The following ELL2 variants were observed in gnomAD, a reference collection of about 807,000 sequenced individuals.
ELL2 encodes RNA polymerase II elongation factor ELL2.
ELL2 carries 21 observed loss-of-function variants against 72.8 expected under a neutral mutation model. That is an observed-to-expected ratio of 0.29 (90% CI 0.20 to 0.42). The LOEUF is 0.42. Ranked by LOEUF, ELL2 falls within the 10% of genes least tolerant of loss-of-function variation. The pLI, the probability that ELL2 is intolerant of heterozygous loss-of-function variation, is 1.00. For synonymous variants in ELL2, 266 were observed against 283.2 expected, an observed-to-expected ratio of 0.94 and a Z score of 0.61; for missense variants, 568 against 772.8, an observed-to-expected ratio of 0.73 and a Z score of 3.14.
intron 8 of ELL2, 35 bp from the exon 9 acceptor site, chr5:95,895,726 C>T (rs756511314): frequency 3.9e-6 from 6 of 1,543,232 alleles, no homozygotes; most frequent in Non-Finnish European, 4.5e-6. Context: ...GAGCATTCAT[C>T]AACTACGAAG....
At position 95,891,279 on chromosome 5, in the gene ELL2, T is replaced by A; in HGVS notation, c.1590-5A>T. ...GAGACGATAGCGATATATTTTCTAA[T>A]AAGAAAAAAGATAAATGGAGAGTAG... On this transcript the variant is annotated splice_polypyrimidine_tract_variant and splice_region_variant and intron_variant, in intron 9 of 11. Coordinates refer to ENST00000237853, the MANE Select transcript of ELL2 (RefSeq NM_012081.6). The A allele has an allele frequency of 6.3e-7, 1 of 1,594,482 alleles. No individual in the cohort carries two copies.
At chr5:95,905,138 A>G (rs1343129843) in intron 5 of ELL2, among the ~76,000 whole-genome samples, 1 of 152,098 alleles carries the variant, frequency 6.6e-6, no homozygotes, top group East Asian at 1.9e-4. Context: ...CTAATATGTT[A>G]CCAGGATGAG....
rs565096365 is a variant in ELL2 at position 95,948,785 on chromosome 5, T to C, written c.148-5736A>G. 2.6e-5 allele frequency among the ~76,000 whole-genome samples: 4 copies of C among 152,330 alleles called. No individual in the cohort carries two copies. In the South Asian group the frequency reaches 8.3e-4, roughly 32 times the overall value. On this transcript the variant is annotated intron_variant, in intron 1 of 11. Coordinates refer to ENST00000237853, the MANE Select transcript of ELL2 (RefSeq NM_012081.6). ...TACTCTAGGGCTTAAGGGAATAGTA[T>C]TTGAGCTATAAGTAAGAGAGTTATC...
chr5:95,954,465 G>A (rs2112360706), intron 1 of ELL2, among the ~76,000 whole-genome samples: 1 of 146,806 alleles, frequency 6.8e-6, no homozygotes, highest in South Asian at 2.2e-4. Flanking sequence ...GGAGTGCAGT[G>A]GTGCGATGTT....
At chr5:95,898,029 T>C (rs573863608) in intron 8 of ELL2, among the ~76,000 whole-genome samples, 19 of 151,204 alleles carry the variant, frequency 1.3e-4, no homozygotes, top group African/African-American at 4.4e-4. Flanking sequence ...GCCATTCTTA[T>C]TAATATAGAA....
rs545487917 is a variant in ELL2 at position 95,888,585 on chromosome 5, GA to G, written c.*285del. ...CTAATAACAAACACAAGTTTTTGAG[GA>G]AAAAAAACTGATTTGAAATATAGAC... On this transcript the variant is annotated 3_prime_UTR_variant, in exon 12 of 12. Transcript: ENST00000237853. The G allele has an allele frequency of 9.9e-4, 201 of 202,980 alleles. 1 individual carries two copies. The highest frequency in any genetic ancestry group is 4.7e-3 in the African/African-American group (188 of 39,768). The allele number at this position is 202,980 out of a possible 1,614,324, so 12.6% of individuals were successfully genotyped here.
chr5:95,890,194 T>G (rs1748607120), intron 10 of ELL2, among the ~76,000 whole-genome samples: 1 of 152,202 alleles, frequency 6.6e-6, no homozygotes, highest in South Asian at 2.1e-4. Context: ...CACCAACCTC[T>G]TGCACCTCTG....
At chr5:95,957,424 TTTTA>T (rs1235337355) in intron 1 of ELL2, among the ~76,000 whole-genome samples, 2 of 152,268 alleles carry the variant, frequency 1.3e-5, no homozygotes, top group African/African-American at 2.4e-5. Flanking sequence ...TAATTTGTGA[TTTTA>T]TTTATTTAGC....
intron 4 of ELL2, among the ~76,000 whole-genome samples, chr5:95,907,227 T>C (rs56219066): frequency 0.3 from 44,228 of 148,872 alleles, 6,832 homozygotes; most frequent in East Asian, 0.41. Flanking sequence ...TTTCACACGT[T>C]CAGAAGCCAC....
chr5:95,898,091 GAAAAAA>G (rs61457748), intron 8 of ELL2, 143 bp downstream of exon 8: 3 of 441,278 alleles, frequency 6.8e-6, no homozygotes, highest in Non-Finnish European at 1.1e-5. Context: ...GCTGTAAAAT[GAAAAAA>G]AAAAAAAAAA....
intron 4 of ELL2, among the ~76,000 whole-genome samples, chr5:95,913,050 A>G (rs1248069377): frequency 6.7e-6 from 1 of 148,414 alleles, no homozygotes; most frequent in Non-Finnish European, 1.5e-5. Context: ...GTCACCATGA[A>G]TTGACTCCTT....
At position 95,930,875 on chromosome 5, in the gene ELL2, A is replaced by G. The variant is rs539734546; in HGVS notation, c.196-11330T>C. On this transcript the variant is annotated intron_variant, in intron 2 of 11. Transcript: ENST00000237853. ...TCAAATCTTAAATGAACATTACAAA[A>G]GTGTGTGTGTAAAAATATGCACCAT... Among the ~76,000 whole-genome samples the G allele has an allele frequency of 1.3e-5, 2 of 151,978 alleles. 1 individual carries two copies. Among genetic ancestry groups the G allele is most frequent in the Admixed American group, 1.3e-4 (2 of 15,268 alleles).
At chr5:95,928,573 C>T (rs530663860) in intron 2 of ELL2, among the ~76,000 whole-genome samples, 6 of 152,338 alleles carry the variant, frequency 3.9e-5, no homozygotes, top group African/African-American at 1.4e-4. Context: ...TCTCACACTA[C>T]TCCACACCCC....
intron 1 of ELL2, among the ~76,000 whole-genome samples, chr5:95,949,373 A>G (rs1464669464): frequency 6.6e-6 from 1 of 152,186 alleles, no homozygotes; most frequent in Non-Finnish European, 1.5e-5. Context: ...ATGTGTGGTT[A>G]CCTTTCCCTT....
intron 8 of ELL2, among the ~76,000 whole-genome samples, chr5:95,897,392 C>A (rs1205650107): frequency 1.5e-5 from 2 of 135,488 alleles, no homozygotes; most frequent in African/African-American, 3.0e-5. Context: ...GAACTTGGAT[C>A]TTCTATGTGG....
chr5:95,905,719 CT>C (rs781723200), intron 5 of ELL2, among the ~76,000 whole-genome samples: 2 of 147,944 alleles, frequency 1.4e-5, no homozygotes, highest in Non-Finnish European at 3.0e-5. Context: ...AAATGTTACT[CT>C]TTGAATAACA....
chr5:95,932,172 T>G (rs1250051520), intron 2 of ELL2, among the ~76,000 whole-genome samples: 1 of 152,126 alleles, frequency 6.6e-6, no homozygotes. Flanking sequence ...TCTTCAAGCC[T>G]ATAAAGAAAA....
At chr5:95,947,721 C>T (rs921859679) in intron 1 of ELL2, among the ~76,000 whole-genome samples, 7 of 152,016 alleles carry the variant, frequency 4.6e-5, no homozygotes, top group Admixed American at 6.6e-5. Flanking sequence ...AATGTGTTAC[C>T]CCCTAGTGCT....
intron 5 of ELL2, among the ~76,000 whole-genome samples, chr5:95,906,248 C>T (rs1437088546): frequency 1.3e-5 from 2 of 152,116 alleles, no homozygotes; most frequent in African/African-American, 4.8e-5. Context: ...AAACAGATAA[C>T]AAACACTTCT....
Sources: gnomAD v4.1 joint callset for allele counts (sites outside exome capture counted in the v4.1 genomes callset) on GRCh38, gnomAD v4.1.1 for gene constraint, MANE v1.5 for transcripts, NCBI Gene and HGNC (gene_info 2026-07-23, HGNC 2026-07-21) for gene names.